The following PUS7 variants were observed in gnomAD, a reference collection of about 807,000 sequenced individuals.
The protein encoded by PUS7 is pseudouridylate synthase 7 homolog.
Under a neutral mutation model 79.8 loss-of-function variants are expected in PUS7, and 48 were observed. The observed-to-expected ratio is 0.60, with a 90% CI of 0.48 to 0.76. The LOEUF (loss-of-function observed/expected upper bound fraction) is 0.76, where lower values mean the gene tolerates loss of function less well. Among genes scored for constraint, PUS7 ranks in the 30% least tolerant of loss-of-function variants. The pLI, the probability that PUS7 is intolerant of heterozygous loss-of-function variation, is 0.00. For missense variants in PUS7, 729 were observed against 797.6 expected, an observed-to-expected ratio of 0.91 and a Z score of 1.04; for synonymous variants, 286 against 272.2, an observed-to-expected ratio of 1.05 and a Z score of -0.50.
At chr7:105,491,962 CAG>C (rs1367423178) in intron 6 of PUS7, among the ~76,000 whole-genome samples, 3 of 147,424 alleles carry the variant, frequency 2.0e-5, no homozygotes, top group Non-Finnish European at 4.4e-5. Context: ...AAGGCTGAGA[CAG>C]GGGAATTGCT....
chr7:105,468,432 T>C lies in PUS7; in HGVS notation c.1430A>G (p.His477Arg). The C allele has an allele frequency of 6.2e-7, 1 of 1,610,928 alleles. No homozygotes were observed. Among genetic ancestry groups the C allele is most frequent in the Non-Finnish European group, 8.5e-7 (1 of 1,177,784 alleles). The change falls in exon 12 of 16, where the codon CAT (histidine) becomes CGT (arginine). Residue 477 changes from histidine to arginine, a missense_variant. His to Arg is a conservative substitution (Grantham distance 29). Coordinates refer to ENST00000469408, the MANE Select transcript of PUS7 (RefSeq NM_019042.5). ...IPRNNRLMYI[H>R]SYQSYVWNNM... ...ATTCCACACATAGCTTTGGTAGCTATGAATATACATTAAGCGATTATTTCT... is the reference window on the plus strand; with the variant it reads ...ATTCCACACATAGCTTTGGTAGCTACGAATATACATTAAGCGATTATTTCT...
intron 5 of PUS7, among the ~76,000 whole-genome samples, chr7:105,498,461 T>C (rs1427539409): frequency 6.6e-6 from 1 of 152,218 alleles, no homozygotes; most frequent in South Asian, 2.1e-4. Flanking sequence ...GAAGGCTGCA[T>C]CCAGCTTCTG....
chr7:105,521,952 C>T (rs948342746), intron 1 of PUS7, 100 bp downstream of exon 1: 1 of 152,604 alleles, frequency 6.6e-6, no homozygotes, highest in African/African-American at 2.4e-5. Context: ...AGTCCGCCTT[C>T]CCAGTCCGCA....
Position 105,506,344 on chromosome 7 carries a change from TCAA to T in PUS7, c.399-74_399-72del, listed in dbSNP as rs896233591. 8 of 1,104,426 alleles carry T rather than the reference TCAA, an allele frequency of 7.2e-6. No homozygotes were observed. In the African/African-American group the frequency reaches 1.3e-4, roughly 17 times the overall value. 68.4% of individuals were successfully genotyped at this position (1,104,426 alleles called of 1,614,324 possible). ...TCTATTAATTTTAAGATAAAGTTGATCAACAGCAAGCCTTACTATTATGCAAAA... is the reference window on the plus strand; with the variant it reads ...TCTATTAATTTTAAGATAAAGTTGATCAGCAAGCCTTACTATTATGCAAAA... On this transcript the variant is annotated intron_variant, in intron 2 of 15. Coordinates refer to ENST00000469408, the MANE Select transcript of PUS7 (RefSeq NM_019042.5).
intron 12 of PUS7, among the ~76,000 whole-genome samples, chr7:105,465,921 G>A (rs1823624539): frequency 2.0e-5 from 3 of 152,192 alleles, no homozygotes; most frequent in Non-Finnish European, 4.4e-5. Context: ...ACTCTGGGAT[G>A]CTGAGGTGGG....
At chr7:105,487,443 C>A (rs956570330) in intron 7 of PUS7, among the ~76,000 whole-genome samples, 2 of 151,970 alleles carry the variant, frequency 1.3e-5, no homozygotes, top group African/African-American at 4.8e-5. Context: ...TTTTTGTGGC[C>A]GAATAGTAGT....
intron 5 of PUS7, among the ~76,000 whole-genome samples, chr7:105,499,469 A>G (rs939859602): frequency 6.6e-6 from 1 of 152,176 alleles, no homozygotes; most frequent in African/African-American, 2.4e-5. Flanking sequence ...TTTAAAAACT[A>G]TGTTCTTAGA....
intron 7 of PUS7, among the ~76,000 whole-genome samples, chr7:105,488,920 G>A (rs905576619): frequency 1.3e-5 from 2 of 151,974 alleles, no homozygotes; most frequent in Non-Finnish European, 1.5e-5. Flanking sequence ...AGGCCAAGAC[G>A]GGTGGATCAC....
Position 105,468,355 on chromosome 7 carries a change from C to T in PUS7, c.1507G>A (p.Asp503Asn), listed in dbSNP as rs1444559235. The change falls in exon 12 of 16, where the codon GAC becomes AAC. Residue 503 changes from aspartate (D) to asparagine (N), a missense_variant. Transcript: ENST00000469408. The part of the protein sequence containing the change: ...EDYGLKPVPG[D>N]LVLKGATATY... ...TTTTTACCTCCTTTGAGAACGAGGT[C>T]CCCTGGAACAGGTTTTAGTCCATAG... The T allele has an allele frequency of 6.2e-7, 1 of 1,613,136 alleles. No individual in the cohort carries two copies.
At position 105,482,370 on chromosome 7, in the gene PUS7, G is replaced by C. The variant is rs1227675974; in HGVS notation, c.991C>G (p.Gln331Glu). The C allele has an allele frequency of 2.5e-6, 4 of 1,610,874 alleles. No individual in the cohort carries two copies. The highest frequency in any genetic ancestry group is 3.4e-6 in the Non-Finnish European group (4 of 1,178,388). Residue 331 changes from glutamine to glutamate, a missense_variant, in exon 8 of 16, where the codon CAA becomes GAA. Physicochemically the swap from Gln to Glu is conservative, Grantham distance 29 (BLOSUM62 2). Transcript: ENST00000469408. ...MNFKLGNFSY[Q>E]KNPLKLGELQ... ...TCTCCCAATTTCAGTGGGTTTTTTT[G>C]ATAGCTGAAATTCCCTAGCTTAAAG...
intron 7 of PUS7, among the ~76,000 whole-genome samples, chr7:105,488,800 G>C (rs921353107): frequency 1.3e-5 from 2 of 152,088 alleles, no homozygotes; most frequent in Non-Finnish European, 2.9e-5. Context: ...AGGTGATCTC[G>C]GAAGAAGTAC....
chr7:105,458,205 T>C (rs145614512), intron 15 of PUS7, among the ~76,000 whole-genome samples: 4 of 152,126 alleles, frequency 2.6e-5, no homozygotes, highest in African/African-American at 9.6e-5. Flanking sequence ...AATAATAAAT[T>C]ACGGCCTGGG....
At chr7:105,458,618 G>A (rs1316576061) in intron 15 of PUS7, among the ~76,000 whole-genome samples, 27 of 147,170 alleles carry the variant, frequency 1.8e-4, no homozygotes, top group Non-Finnish European at 3.4e-4. Context: ...TGTCACCCAG[G>A]CTGGAGTGCA....
At chr7:105,511,181 C>T (rs1255577743) in intron 1 of PUS7, among the ~76,000 whole-genome samples, 3 of 129,936 alleles carry the variant, frequency 2.3e-5, no homozygotes, top group African/African-American at 7.6e-5. Flanking sequence ...ACAGGCACGC[C>T]CGCCACTATG....
intron 1 of PUS7, among the ~76,000 whole-genome samples, chr7:105,520,508 G>A (rs1420498986): frequency 1.4e-5 from 2 of 139,138 alleles, no homozygotes; most frequent in African/African-American, 5.0e-5. Flanking sequence ...GCGACAGAGC[G>A]AGACTGTCTC....
intron 1 of PUS7, among the ~76,000 whole-genome samples, chr7:105,520,749 T>C (rs938412213): frequency 1.3e-5 from 2 of 150,508 alleles, no homozygotes; most frequent in African/African-American, 4.9e-5. Flanking sequence ...AACAAAGATA[T>C]GTTCAAGGCC....
At chr7:105,483,855 G>A (rs561092950) in intron 7 of PUS7, among the ~76,000 whole-genome samples, 1 of 152,282 alleles carries the variant, frequency 6.6e-6, no homozygotes, top group South Asian at 2.1e-4. Context: ...CAGCTGTGAT[G>A]TCTGTTTGGT....
chr7:105,484,605 G>GCCCGGGAGGCAGAGGTTGCA (rs1824468083), intron 7 of PUS7, among the ~76,000 whole-genome samples: 1 of 151,494 alleles, frequency 6.6e-6, no homozygotes, highest in Non-Finnish European at 1.5e-5. Flanking sequence ...GATTACCTGA[G>GCCCGGGAGGCAGAGGTTGCA]GTCAGGAATT....
chr7:105,484,474 G>C (rs913243717), intron 7 of PUS7, among the ~76,000 whole-genome samples: 3 of 149,420 alleles, frequency 2.0e-5, no homozygotes, highest in Non-Finnish European at 4.4e-5. Context: ...CAACTATATG[G>C]AGAAACTTTA....
Sources: gnomAD v4.1 joint callset for allele counts (sites outside exome capture counted in the v4.1 genomes callset) on GRCh38, gnomAD v4.1.1 for gene constraint, MANE v1.5 for transcripts, NCBI Gene and HGNC (gene_info 2026-07-23, HGNC 2026-07-21) for gene names.